ANK2: variants seen among roughly 807,000 people sequenced by gnomAD.
The protein encoded by ANK2 is ankyrin-2.
ANK2 carries 83 observed loss-of-function variants against 360.5 expected under a neutral mutation model. The observed-to-expected ratio is 0.23, with a 90% CI of 0.19 to 0.28. ANK2 has a LOEUF of 0.28. Ranked by LOEUF, ANK2 falls within the 10% of genes least tolerant of loss-of-function variation. ANK2 has a pLI of 1.00. For missense variants in ANK2, 4,201 were observed against 4,795.7 expected (o/e 0.88, Z 3.66); for synonymous variants, 1,740 against 1,759.5 (o/e 0.99, Z 0.28).
chr4:112,734,442 T>G, the ANK2 span, among the ~76,000 whole-genome samples: 5 of 152,208 alleles, frequency 3.3e-5, no homozygotes, highest in Admixed American at 1.3e-4. Flanking sequence ...GAACCTTTCC[T>G]TTTCCTGTGT....
chr4:113,292,317 G>T, intron 20 of ANK2, 99 bp from the exon 21 acceptor site: 1 of 1,086,152 alleles, frequency 9.2e-7, no homozygotes, highest in Non-Finnish European at 1.4e-6. Flanking sequence ...CATCTGTGAT[G>T]GTTTTGTTGT....
intron 1 of ANK2, among the ~76,000 whole-genome samples, chr4:113,086,936 G>A (rs752699593): frequency 3.3e-5 from 5 of 152,122 alleles, no homozygotes; most frequent in Non-Finnish European, 5.9e-5. Context: ...TGAGATCAGA[G>A]GTCAGCAGAG....
the ANK2 span, among the ~76,000 whole-genome samples, chr4:112,745,165 TAAAAG>T: frequency 6.6e-6 from 1 of 152,244 alleles, no homozygotes; most frequent in South Asian, 2.1e-4. Context: ...TGACTAATTC[TAAAAG>T]AAAAGTATTA....
chr4:112,711,677 G>T, the ANK2 span, among the ~76,000 whole-genome samples: 1 of 151,722 alleles, frequency 6.6e-6, no homozygotes, highest in African/African-American at 2.4e-5. Context: ...AAAATTAGCC[G>T]GGTGTAGTGG....
At chr4:112,969,777 G>T (rs1031017676) in intron 2 of ANK2, among the ~76,000 whole-genome samples, 1 of 152,100 alleles carries the variant, frequency 6.6e-6, no homozygotes. Flanking sequence ...GGTAGATATG[G>T]ATAACAGTTA....
chr4:113,300,771 G>A (rs1563554549), intron 22 of ANK2, among the ~76,000 whole-genome samples: 1 of 152,254 alleles, frequency 6.6e-6, no homozygotes, highest in South Asian at 2.1e-4. Flanking sequence ...AGCTCAACAC[G>A]ATCGTAGCAT....
the ANK2 span, among the ~76,000 whole-genome samples, chr4:112,791,194 AG>A: frequency 1.3e-5 from 2 of 152,202 alleles, no homozygotes; most frequent in East Asian, 3.9e-4. Context: ...CTTGTGAAGC[AG>A]GGAGGACCCT....
rs1356299026 is a variant in ANK2 at position 113,258,150 on chromosome 4, T to A, written c.1287+2T>A. On this transcript the variant is annotated splice_donor_variant, in intron 12 of 45. Transcript: ENST00000357077. LOFTEE classifies it high-confidence loss of function. ...GCTTCAATCCAAGCTATAACAGAGG[T>A]AGAAAAATGTTTTAGCTAGTCACAA... 6.2e-7 allele frequency: 1 copy of A among 1,610,948 alleles called. No homozygotes were observed.
At chr4:112,733,525 T>C in the ANK2 span, among the ~76,000 whole-genome samples, 3 of 152,216 alleles carry the variant, frequency 2.0e-5, no homozygotes, top group Admixed American at 6.5e-5. Context: ...GTAAGTTTTA[T>C]ACTAATAACT....
At chr4:113,227,008 G>T (rs2099231655) in intron 4 of ANK2, among the ~76,000 whole-genome samples, 1 of 152,280 alleles carries the variant, frequency 6.6e-6, no homozygotes, top group African/African-American at 2.4e-5. Flanking sequence ...AAAGCACCTG[G>T]ATGCATATAC....
the ANK2 span, among the ~76,000 whole-genome samples, chr4:112,804,014 G>GT: frequency 5.0e-3 from 711 of 142,616 alleles, 2 homozygotes; most frequent in Middle Eastern, 0.011. Flanking sequence ...CAATCTCACG[G>GT]TTTTTTTTTT....
chr4:113,064,328 G>C (rs1164918808), intron 1 of ANK2, among the ~76,000 whole-genome samples: 2 of 152,144 alleles, frequency 1.3e-5, no homozygotes, highest in African/African-American at 4.8e-5. Flanking sequence ...AGAGCACTCT[G>C]TGTGACTTAC....
At chr4:113,340,827 C>T (rs553631072) in intron 32 of ANK2, among the ~76,000 whole-genome samples, 48 of 147,564 alleles carry the variant, frequency 3.3e-4, no homozygotes, top group African/African-American at 1.1e-3. Context: ...CCAGCCTGGG[C>T]GACAGAGCGA....
At chr4:112,886,589 G>A (rs1443679223) in intron 1 of ANK2, among the ~76,000 whole-genome samples, 2 of 152,130 alleles carry the variant, frequency 1.3e-5, no homozygotes, top group East Asian at 3.9e-4. Flanking sequence ...TTGAACCTGG[G>A]AAGTGGAAGT....
At chr4:112,748,882 G>C in the ANK2 span, among the ~76,000 whole-genome samples, 35 of 152,254 alleles carry the variant, frequency 2.3e-4, no homozygotes, top group Non-Finnish European at 4.0e-4. Flanking sequence ...TCAGTGGACG[G>C]ACCTATGATT....
At chr4:113,363,186 G>T (rs576163829) in intron 39 of ANK2, 152 bp from the exon 40 acceptor site, 8 of 713,330 alleles carry the variant, frequency 1.1e-5, no homozygotes, top group Non-Finnish European at 1.6e-5. Flanking sequence ...AAGAACAAAG[G>T]CATATAAGAG....
chr4:113,379,939 A>C (rs979441454), intron 45 of ANK2, among the ~76,000 whole-genome samples: 1 of 152,222 alleles, frequency 6.6e-6, no homozygotes, highest in African/African-American at 2.4e-5. Context: ...AAAGCTACAA[A>C]AACTGATCAT....
chr4:112,973,675 G>GT (rs2040387635), intron 2 of ANK2, among the ~76,000 whole-genome samples: 1 of 152,198 alleles, frequency 6.6e-6, no homozygotes, highest in Non-Finnish European at 1.5e-5. Context: ...GATAGTGACT[G>GT]AAATGTTAAA....
intron 1 of ANK2, among the ~76,000 whole-genome samples, chr4:113,068,583 A>G (rs1433428579): frequency 2.0e-5 from 3 of 152,228 alleles, no homozygotes; most frequent in African/African-American, 7.2e-5. Context: ...TGTAAAGTTG[A>G]TATCACATAA....
Sources: gnomAD v4.1 joint callset for allele counts (sites outside exome capture counted in the v4.1 genomes callset) on GRCh38, gnomAD v4.1.1 for gene constraint, MANE v1.5 for transcripts, NCBI Gene and HGNC (gene_info 2026-07-23, HGNC 2026-07-21) for gene names.